DGKH: variants seen among roughly 807,000 people sequenced by gnomAD.
The protein encoded by DGKH is DAG kinase eta.
In DGKH, 90 loss-of-function variants were observed where a neutral mutation model predicts 159.3. That is an observed-to-expected ratio of 0.57 (90% confidence interval 0.48 to 0.67). The LOEUF is 0.67. DGKH is among the 30% of genes least tolerant of loss of function. The pLI, the probability that DGKH is intolerant of heterozygous loss-of-function variation, is 0.00. For synonymous variants in DGKH, 536 were observed against 553.8 expected, an observed-to-expected ratio of 0.97 and a Z score of 0.45; for missense variants, 1,181 against 1,506.1, an observed-to-expected ratio of 0.78 and a Z score of 3.57.
At chr13:42,091,527 A>G (rs1297604279) in intron 1 of DGKH, among the ~76,000 whole-genome samples, 1 of 152,226 alleles carries the variant, frequency 6.6e-6, no homozygotes, top group Non-Finnish European at 1.5e-5. Flanking sequence ...CTTCAAAGAT[A>G]TACAAATCAT....
intron 1 of DGKH, among the ~76,000 whole-genome samples, chr13:42,049,443 C>T (rs1330618684): frequency 6.6e-6 from 1 of 152,256 alleles, no homozygotes; most frequent in Non-Finnish European, 1.5e-5. Context: ...GGCCAACCAG[C>T]CTGCGCTGCA....
intron 29 of DGKH, among the ~76,000 whole-genome samples, chr13:42,248,763 CT>C (rs1958600103): frequency 1.3e-5 from 2 of 151,452 alleles, no homozygotes; most frequent in African/African-American, 4.9e-5. Context: ...TTACAATTGC[CT>C]GCAGCATTCA....
At chr13:42,088,442 G>A (rs1015155700) in intron 1 of DGKH, among the ~76,000 whole-genome samples, 3 of 152,052 alleles carry the variant, frequency 2.0e-5, no homozygotes, top group Non-Finnish European at 4.4e-5. Flanking sequence ...ATGTTTTCTG[G>A]GGCTTATAAA....
chr13:42,199,855 C>G lies in DGKH; in HGVS notation c.2439C>G (p.Thr813=), dbSNP rs777329220. 4 of 1,612,628 alleles carry G rather than the reference C, an allele frequency of 2.5e-6. No individual in the cohort carries two copies. The South Asian group carries it at 4.4e-5, about 18-fold the overall frequency. ...TGATGTGGTATGGAGTCCTTGGAACCCGGGAGTTATTACAGAGATCGTACA... is the reference window on the plus strand; with the variant it reads ...TGATGTGGTATGGAGTCCTTGGAACGCGGGAGTTATTACAGAGATCGTACA... ...KNLMWYGVLG[T]RELLQRSYKN... The change falls in exon 20 of 30, where the codon ACC becomes ACG. Residue 813 remains threonine, a synonymous_variant. Transcript: ENST00000337343.
intron 3 of DGKH, among the ~76,000 whole-genome samples, chr13:42,142,864 T>C (rs1955605052): frequency 6.6e-6 from 1 of 152,204 alleles, no homozygotes; most frequent in Admixed American, 6.5e-5. Context: ...TGACTTCCTG[T>C]TTTCCTAACT....
At chr13:42,213,376 A>G (rs1332809658) in intron 24 of DGKH, among the ~76,000 whole-genome samples, 1 of 152,176 alleles carries the variant, frequency 6.6e-6, no homozygotes, top group East Asian at 1.9e-4. Context: ...TAGAAGGAAA[A>G]TGATGGGTTC....
rs1173793943 is a variant in DGKH, at chr13:42,073,512, A to T, written c.192+24547A>T. On this transcript the variant is annotated intron_variant, in intron 1 of 29. Transcript: ENST00000337343. ...TTCAGTACAGTACTCGATAAATTAT[A>T]TGAGATATCCAACACTGTATTATAA... 1.3e-5 allele frequency among the ~76,000 whole-genome samples: 2 copies of T among 152,200 alleles called. 1 individual carries two copies. Among genetic ancestry groups the T allele is most frequent in the African/African-American group, 4.8e-5 (2 of 41,430 alleles).
chr13:42,110,587 A>ATCATTCATTCATTCAT (rs140415925), intron 1 of DGKH, among the ~76,000 whole-genome samples: 33,877 of 150,820 alleles, frequency 0.22, 3,977 homozygotes, highest in African/African-American at 0.28. Flanking sequence ...TTGAAGGATA[A>ATCATTCATTCATTCAT]TCATTCATTC....
intron 13 of DGKH, among the ~76,000 whole-genome samples, chr13:42,185,339 C>G (rs1046995048): frequency 1.3e-5 from 2 of 152,088 alleles, no homozygotes; most frequent in African/African-American, 4.8e-5. Context: ...CTTCACATGC[C>G]CCTTCCTCAG....
At chr13:42,182,627 A>G (rs940173777) in intron 13 of DGKH, among the ~76,000 whole-genome samples, 2 of 152,208 alleles carry the variant, frequency 1.3e-5, no homozygotes, top group African/African-American at 4.8e-5. Context: ...AAGTCTGCAC[A>G]TATTCAGTGT....
intron 1 of DGKH, among the ~76,000 whole-genome samples, chr13:42,072,483 A>G (rs906156600): frequency 1.3e-5 from 2 of 152,216 alleles, no homozygotes; most frequent in African/African-American, 4.8e-5. Context: ...AATATAGATG[A>G]TGTTCCACAG....
rs1566134853 is a variant in DGKH at position 42,151,606 on chromosome 13, CA to C, written c.385-3684del. ...ACACACACACACACACACACACACACACACACACCCCATGGAAAACTACTCA... is the reference window on the plus strand; with the variant it reads ...ACACACACACACACACACACACACACCACACACCCCATGGAAAACTACTCA... On this transcript the variant is annotated intron_variant, in intron 3 of 29. Transcript: ENST00000337343. Among the ~76,000 whole-genome samples the C allele has an allele frequency of 9.2e-4, 120 of 130,866 alleles. 2 individuals carry two copies. Among genetic ancestry groups the C allele is most frequent in the East Asian group, 2.1e-3 (9 of 4,256 alleles). 85.9% of individuals were successfully genotyped at this position (130,866 alleles called of 152,430 possible).
At position 42,065,217 on chromosome 13, in the gene DGKH, A is replaced by T. The variant is rs530133108; in HGVS notation, c.192+16252A>T. 3.3e-5 allele frequency among the ~76,000 whole-genome samples: 5 copies of T among 152,328 alleles called. No homozygotes were observed. The South Asian group carries it at 6.2e-4, about 19-fold the overall frequency. On this transcript the variant is annotated intron_variant, in intron 1 of 29. Coordinates refer to ENST00000337343, the MANE Select transcript of DGKH (RefSeq NM_178009.5). The stretch of plus-strand genomic sequence containing the variant: ...TTCTCATGCATGTTCTGCCTTGGAC[A>T]AGCCAGAAACCAGAACTGTTTGTAA...
upstream of DGKH, among the ~76,000 whole-genome samples, chr13:42,045,636 C>T (rs566483769): frequency 6.6e-6 from 1 of 152,296 alleles, no homozygotes; most frequent in African/African-American, 2.4e-5. Flanking sequence ...ATAGCGTGTT[C>T]TTAAGTTTTA....
chr13:42,226,136 A>G (rs1306134398), intron 29 of DGKH, among the ~76,000 whole-genome samples: 1 of 152,226 alleles, frequency 6.6e-6, no homozygotes, highest in Non-Finnish European at 1.5e-5. Flanking sequence ...AAAGTGAGCA[A>G]AGGACATGAA....
intron 15 of DGKH, among the ~76,000 whole-genome samples, 185 bp from the exon 16 acceptor site, chr13:42,190,218 G>A (rs1375466719): frequency 1.3e-5 from 2 of 151,964 alleles, no homozygotes; most frequent in Non-Finnish European, 2.9e-5. Context: ...TATAATTTTA[G>A]CAACTTTAGT....
chr13:42,221,459 C>T, intron 29 of DGKH, 65 bp downstream of exon 29: 1 of 1,586,850 alleles, frequency 6.3e-7, no homozygotes, highest in South Asian at 1.1e-5. Context: ...TTCTCCTGTG[C>T]CTCTTCTGAT....
At chr13:42,084,819 T>C (rs973941758) in intron 1 of DGKH, among the ~76,000 whole-genome samples, 7 of 152,030 alleles carry the variant, frequency 4.6e-5, no homozygotes, top group Non-Finnish European at 8.8e-5. Flanking sequence ...ACCTAGGTTC[T>C]AACCATAACT....
chr13:42,046,999 A>G (rs1880834687), upstream of DGKH, among the ~76,000 whole-genome samples: 1 of 152,138 alleles, frequency 6.6e-6, no homozygotes. Flanking sequence ...TATTTTGATT[A>G]TTTTTCTCTT....
Sources: gnomAD v4.1 joint callset for allele counts (sites outside exome capture counted in the v4.1 genomes callset) on GRCh38, gnomAD v4.1.1 for gene constraint, MANE v1.5 for transcripts, NCBI Gene and HGNC (gene_info 2026-07-23, HGNC 2026-07-21) for gene names.